Variants in PDZD2 observed in about 807,000 individuals in gnomAD.
PDZD2 encodes PDZ domain-containing protein 2.
Under a neutral mutation model 220.7 loss-of-function variants are expected in PDZD2, and 90 were observed. That is an observed-to-expected ratio of 0.41 (90% CI 0.34 to 0.49). The LOEUF (loss-of-function observed/expected upper bound fraction) is 0.49, where lower values mean the gene tolerates loss of function less well. Ranked by LOEUF, PDZD2 falls within the 20% of genes least tolerant of loss-of-function variation. The pLI, the probability that PDZD2 is intolerant of heterozygous loss-of-function variation, is 0.28. For synonymous variants in PDZD2, 1,375 were observed against 1,450.5 expected (o/e 0.95, Z 1.18); for missense variants, 3,174 against 3,608.5 (o/e 0.88, Z 3.08).
intron 1 of PDZD2, among the ~76,000 whole-genome samples, chr5:31,760,338 C>T (rs1010745689): frequency 6.6e-6 from 1 of 152,054 alleles, no homozygotes; most frequent in Non-Finnish European, 1.5e-5. Context: ...GAAACTAAGC[C>T]TAGAGGAATA....
intron 2 of PDZD2, among the ~76,000 whole-genome samples, chr5:31,922,762 C>T (rs59782361): frequency 5.3e-5 from 8 of 151,974 alleles, no homozygotes; most frequent in Admixed American, 1.3e-4. Flanking sequence ...TCTGCCCCGC[C>T]CCCCCCTCCG....
intron 2 of PDZD2, among the ~76,000 whole-genome samples, chr5:31,808,552 C>T (rs899142687): frequency 6.6e-6 from 1 of 152,206 alleles, no homozygotes; most frequent in African/African-American, 2.4e-5. Flanking sequence ...TGTTTTCTCA[C>T]TCTACCAAGG....
At chr5:32,058,131 C>A in intron 12 of PDZD2, 28 bp downstream of exon 12, 2 of 1,127,484 alleles carry the variant, frequency 1.8e-6, no homozygotes, top group South Asian at 1.2e-5. Context: ...TTACCTTTGT[C>A]TCATTTCTTG....
At chr5:31,711,304 C>T (rs1433539822) in intron 1 of PDZD2, among the ~76,000 whole-genome samples, 2 of 152,210 alleles carry the variant, frequency 1.3e-5, no homozygotes, top group Non-Finnish European at 2.9e-5. Flanking sequence ...TAAACCAGAA[C>T]ATGTACTGTG....
intron 3 of PDZD2, among the ~76,000 whole-genome samples, chr5:31,991,850 G>A (rs1032943227): frequency 7.2e-5 from 11 of 152,156 alleles, no homozygotes; most frequent in African/African-American, 2.7e-4. Flanking sequence ...CCAATATGGT[G>A]AAACCTTGTC....
intron 1 of PDZD2, among the ~76,000 whole-genome samples, chr5:31,752,554 TA>T (rs931369712): frequency 1.8e-4 from 27 of 150,722 alleles, no homozygotes; most frequent in African/African-American, 6.2e-4. Context: ...GTCTCAAAAA[TA>T]AATAAATAAA....
At chr5:31,737,034 A>G (rs1273461803) in intron 1 of PDZD2, among the ~76,000 whole-genome samples, 1 of 151,200 alleles carries the variant, frequency 6.6e-6, no homozygotes, top group African/African-American at 2.4e-5. Flanking sequence ...AGCCAATTAA[A>G]CCTCTTTTCT....
At chr5:31,896,603 C>G (rs571741961) in intron 2 of PDZD2, among the ~76,000 whole-genome samples, 1 of 152,136 alleles carries the variant, frequency 6.6e-6, no homozygotes, top group East Asian at 1.9e-4. Flanking sequence ...GTTTCTCAAA[C>G]AAGGGTTTCT....
At chr5:31,830,032 A>G (rs896499491) in intron 2 of PDZD2, among the ~76,000 whole-genome samples, 3 of 152,222 alleles carry the variant, frequency 2.0e-5, no homozygotes, top group Admixed American at 1.3e-4. Context: ...TGGGTGACAG[A>G]GCGAGACTCC....
rs1195869565 is a variant in PDZD2, at chr5:31,907,740, G to A, written c.477-75415G>A. Among the ~76,000 whole-genome samples the A allele has an allele frequency of 5.3e-5, 8 of 152,158 alleles. No homozygotes were observed. In the East Asian group the frequency reaches 1.5e-3, roughly 29 times the overall value. The stretch of plus-strand genomic sequence containing the variant: ...CCTTAATCCCCACCCCCCACTCCCA[G>A]TTACGTGAAGGCATAAGAAAAGGAT... On this transcript the variant is annotated intron_variant, in intron 2 of 24. Transcript: ENST00000438447.
chr5:32,049,242 G>T (rs898678038), intron 8 of PDZD2, among the ~76,000 whole-genome samples: 4 of 152,152 alleles, frequency 2.6e-5, no homozygotes. Flanking sequence ...CTGCATGAGG[G>T]CCGCTCCTCC....
Position 32,053,887 on chromosome 5 carries a change from G to A in PDZD2, c.1900+4G>A. The A allele has an allele frequency of 6.6e-7, 1 of 1,508,086 alleles. No homozygotes were observed. The highest frequency in any genetic ancestry group is 1.4e-5 in the African/African-American group (1 of 72,978). 93.4% of individuals were successfully genotyped at this position (1,508,086 alleles called of 1,614,324 possible). A position where few individuals can be genotyped will look rare whatever the true frequency, so the allele number is the denominator to read the frequency against. On this transcript the variant is annotated splice_donor_region_variant and intron_variant, in intron 10 of 24. Coordinates refer to ENST00000438447, the MANE Select transcript of PDZD2 (RefSeq NM_178140.4). ...GAGGACGGAAGACTTAAAGAAGGTA[G>A]GGGAAAGCCTCTTGTATCCTCAGTG...
intron 6 of PDZD2, among the ~76,000 whole-genome samples, chr5:32,012,841 T>G (rs1322354931): frequency 6.6e-6 from 1 of 151,724 alleles, no homozygotes; most frequent in African/African-American, 2.4e-5. Flanking sequence ...TATTTTTATT[T>G]AAGTTATTAT....
At chr5:31,828,203 T>C (rs1322868564) in intron 2 of PDZD2, among the ~76,000 whole-genome samples, 1 of 152,252 alleles carries the variant, frequency 6.6e-6, no homozygotes, top group East Asian at 1.9e-4. Flanking sequence ...GTTGGATATA[T>C]ATGTAAGAAT....
chr5:31,977,427 C>G (rs924577845), intron 2 of PDZD2, among the ~76,000 whole-genome samples: 5 of 152,040 alleles, frequency 3.3e-5, no homozygotes, highest in Non-Finnish European at 7.4e-5. Flanking sequence ...TGTATTTGGC[C>G]CTCTCTTATC....
At chr5:31,645,228 G>C (rs537319473) in intron 1 of PDZD2, among the ~76,000 whole-genome samples, 1 of 152,118 alleles carries the variant, frequency 6.6e-6, no homozygotes, top group African/African-American at 2.4e-5. Context: ...TGAGGAAGGG[G>C]CGTCCATGGC....
At chr5:31,944,714 G>A (rs1249052326) in intron 2 of PDZD2, among the ~76,000 whole-genome samples, 1 of 152,172 alleles carries the variant, frequency 6.6e-6, no homozygotes, top group African/African-American at 2.4e-5. Context: ...AGGCTGCCAA[G>A]GTGGAGGGTG....
At chr5:31,656,331 G>A (rs1745550629) in intron 1 of PDZD2, among the ~76,000 whole-genome samples, 1 of 152,032 alleles carries the variant, frequency 6.6e-6, no homozygotes, top group South Asian at 2.1e-4. Context: ...GCCTCCCCCG[G>A]AACACCTGGC....
chr5:31,800,339 C>T (rs1240127678), intron 2 of PDZD2, among the ~76,000 whole-genome samples: 6 of 152,284 alleles, frequency 3.9e-5, no homozygotes, highest in Non-Finnish European at 5.9e-5. Context: ...GTTGTGCAGA[C>T]GGTGCTCAGT....
Sources: gnomAD v4.1 joint callset for allele counts (sites outside exome capture counted in the v4.1 genomes callset) on GRCh38, gnomAD v4.1.1 for gene constraint, MANE v1.5 for transcripts, NCBI Gene and HGNC (gene_info 2026-07-23, HGNC 2026-07-21) for gene names.